SORBS2: variants seen among roughly 807,000 people sequenced by gnomAD.
SORBS2 encodes sorbin and SH3 domain-containing protein 2.
Under a neutral mutation model 97.7 loss-of-function variants are expected in SORBS2, and 46 were observed. That is an observed-to-expected ratio of 0.47 (90% CI 0.37 to 0.60). The LOEUF is 0.60. SORBS2 is among the 20% of genes least tolerant of loss of function. SORBS2 has a pLI of 0.00. For synonymous variants in SORBS2, 476 were observed against 473.4 expected, an observed-to-expected ratio of 1.01 and a Z score of -0.07; for missense variants, 1,316 against 1,282.3, an observed-to-expected ratio of 1.03 and a Z score of -0.40.
intron 1 of SORBS2, among the ~76,000 whole-genome samples, chr4:185,828,668 T>A (rs1001912839): frequency 6.6e-6 from 1 of 151,880 alleles, no homozygotes; most frequent in African/African-American, 2.4e-5. Flanking sequence ...CAACACGAGA[T>A]CCTAAATGTC....
At chr4:185,710,345 A>G (rs1341470560) in intron 2 of SORBS2, among the ~76,000 whole-genome samples, 1 of 152,244 alleles carries the variant, frequency 6.6e-6, no homozygotes, top group Admixed American at 6.5e-5. Context: ...GACATAAAAT[A>G]ACAGCATGCT....
chr4:185,657,292 A>G, upstream of SORBS2: 2 of 733,464 alleles, frequency 2.7e-6, no homozygotes, highest in Non-Finnish European at 2.0e-6. Flanking sequence ...CATAACATTC[A>G]TGAGAAGTCG....
At chr4:185,792,905 G>A (rs948023156) in intron 1 of SORBS2, among the ~76,000 whole-genome samples, 1 of 152,198 alleles carries the variant, frequency 6.6e-6, no homozygotes, top group Admixed American at 6.5e-5. Context: ...TTCCCCACAT[G>A]TGTGACCCTG....
chr4:185,846,618 G>T (rs1286803788), intron 1 of SORBS2, among the ~76,000 whole-genome samples: 1 of 152,188 alleles, frequency 6.6e-6, no homozygotes, highest in African/African-American at 2.4e-5. Context: ...AAGGGCTTTG[G>T]CAATCCTATT....
intron 1 of SORBS2, among the ~76,000 whole-genome samples, chr4:185,869,240 T>G (rs1561251930): frequency 6.6e-6 from 1 of 152,260 alleles, no homozygotes; most frequent in Non-Finnish European, 1.5e-5. Context: ...TGTGACACTT[T>G]TTCTTAATCT....
intron 2 of SORBS2, among the ~76,000 whole-genome samples, chr4:185,683,028 AAG>A (rs1554164012): frequency 0.024 from 3,073 of 129,168 alleles, 117 homozygotes; most frequent in African/African-American, 0.076. Flanking sequence ...AAAAAAAAAA[AAG>A]AAAAGAAAAG....
rs1422623839 is a variant in SORBS2 at position 185,809,460 on chromosome 4, A to AAAG, written c.-337-34095_-337-34094insCTT. Among the ~76,000 whole-genome samples the AAAG allele has an allele frequency of 3.3e-4, 47 of 142,140 alleles. 3 individuals carry two copies. Among genetic ancestry groups the AAAG allele is most frequent in the Middle Eastern group, 3.5e-3 (1 of 282 alleles). The allele number at this position is 142,140 out of a possible 152,430, so 93.2% of individuals were successfully genotyped here. On this transcript the variant is annotated intron_variant, in intron 1 of 20. Transcript: ENST00000284776. ...TTCAGGGGGCACTGCATTTGCAAAAAAAAAAAAAAAAAAAAAAAAAAATCT... is the reference window on the plus strand; with the variant it reads ...TTCAGGGGGCACTGCATTTGCAAAAAAAGAAAAAAAAAAAAAAAAAAAAAATCT...
At chr4:185,875,328 A>G (rs2099232928) in intron 1 of SORBS2, among the ~76,000 whole-genome samples, 1 of 152,204 alleles carries the variant, frequency 6.6e-6, no homozygotes, top group Non-Finnish European at 1.5e-5. Flanking sequence ...CACAATGTTT[A>G]TATATTTCAA....
chr4:185,952,477 G>A (rs1174018574), intron 1 of SORBS2, among the ~76,000 whole-genome samples: 3 of 152,170 alleles, frequency 2.0e-5, no homozygotes, highest in Non-Finnish European at 4.4e-5. Flanking sequence ...CTGAGTATTT[G>A]GTCCTTGAGT....
chr4:185,750,082 G>A (rs1475498865), intron 2 of SORBS2, among the ~76,000 whole-genome samples: 1 of 152,188 alleles, frequency 6.6e-6, no homozygotes, highest in Admixed American at 6.5e-5. Context: ...AAGACACTAC[G>A]TGCAGTGGAC....
intron 12 of SORBS2, among the ~76,000 whole-genome samples, chr4:185,596,308 A>G (rs2096085614): frequency 6.6e-6 from 1 of 152,170 alleles, no homozygotes; most frequent in South Asian, 2.1e-4. Flanking sequence ...TTAATGTAAA[A>G]CAATCAACTT....
intron 4 of SORBS2, among the ~76,000 whole-genome samples, 176 bp from the exon 8 acceptor site, chr4:185,662,418 C>G (rs6824315): frequency 2.0e-5 from 3 of 152,148 alleles, no homozygotes; most frequent in African/African-American, 7.2e-5. Flanking sequence ...TCTCTCTATT[C>G]CCTTATTTCT....
At position 185,607,421 on chromosome 4, in the gene SORBS2, T is replaced by G; in HGVS notation, c.2796+4359A>C. On this transcript the variant is annotated intron_variant, in intron 12 of 14. Transcript: ENST00000418609. This position sits in a 1 kb window ranked among gnomAD's most constrained non-coding sequence, Gnocchi z 5.2. ...AAAATAATAATAATGCATCAAAACA[T>G]AGCGATGGAGAAATGCAGAAAAGAT... is the stretch of plus-strand genomic sequence containing the variant. The G allele has an allele frequency of 9.1e-6, 7 of 768,618 alleles. No individual in the cohort carries two copies. Among genetic ancestry groups the G allele is most frequent in the Non-Finnish European group, 1.3e-5 (7 of 523,342 alleles). The allele number at this position is 768,618 out of a possible 1,614,324, so 47.6% of individuals were successfully genotyped here. A position where few individuals can be genotyped will look rare whatever the true frequency, so the allele number is the denominator to read the frequency against.
At chr4:185,793,032 G>A (rs1198095805) in intron 1 of SORBS2, among the ~76,000 whole-genome samples, 6 of 152,226 alleles carry the variant, frequency 3.9e-5, no homozygotes, top group Non-Finnish European at 8.8e-5. Flanking sequence ...TTGGCACGCT[G>A]CCTGACACAC....
intron 2 of SORBS2, among the ~76,000 whole-genome samples, chr4:185,712,573 G>A (rs1002444765): frequency 6.6e-6 from 1 of 152,242 alleles, no homozygotes; most frequent in Admixed American, 6.5e-5. Context: ...GGCCCACTAA[G>A]CTGTTAACAC....
chr4:185,676,885 C>T (rs2097794591), intron 4 of SORBS2: 3 of 823,706 alleles, frequency 3.6e-6, no homozygotes, highest in Non-Finnish European at 5.5e-6. Context: ...CCTTTCCCTT[C>T]CTGCTTGGAA....
exon 1 of SORBS2, chr4:185,656,681 T>C: frequency 6.4e-7 from 1 of 1,550,422 alleles, no homozygotes; most frequent in Non-Finnish European, 8.7e-7. Context: ...AAGCCTTCTC[T>C]TCCAGTGGAC....
At chr4:185,928,601 A>T (rs994234046) in intron 1 of SORBS2, among the ~76,000 whole-genome samples, 1 of 152,006 alleles carries the variant, frequency 6.6e-6, no homozygotes, top group African/African-American at 2.4e-5. Flanking sequence ...GCTGGAGTGC[A>T]GTGGCGCGAT....
In SORBS2 at chr4:185,714,006, A is replaced by C. The variant is rs563939746; in HGVS notation, c.-197-35184T>G. Among the ~76,000 whole-genome samples the C allele has an allele frequency of 7.2e-5, 11 of 152,342 alleles. No individual in the cohort carries two copies. The South Asian group carries it at 2.1e-3, about 29-fold the overall frequency. The stretch of plus-strand genomic sequence containing the variant: ...ACACAGGATCTTAAACTTCAATTCT[A>C]GAAATGGGATGGAACAGCTACCCAC... On this transcript the variant is annotated intron_variant, in intron 2 of 20. Coordinates refer to the SORBS2 transcript ENST00000284776.
Sources: gnomAD v4.1 joint callset for allele counts (sites outside exome capture counted in the v4.1 genomes callset) on GRCh38, gnomAD v4.1.1 for gene constraint, Gnocchi (gnomAD v3.1) non-coding constraint, MANE v1.5 for transcripts, NCBI Gene and HGNC (gene_info 2026-07-23, HGNC 2026-07-21) for gene names.